The following KCTD8 variants were observed in gnomAD, a reference collection of about 807,000 sequenced individuals.
The protein encoded by KCTD8 is BTB/POZ domain-containing protein KCTD8.
In KCTD8, 27 loss-of-function variants were observed where a neutral mutation model predicts 31.5. The observed-to-expected ratio is 0.86, with a 90% confidence interval of 0.63 to 1.18. KCTD8 has a LOEUF of 1.18. Among genes scored for constraint, KCTD8 ranks in the 50% most tolerant of loss-of-function variants. KCTD8 has a pLI of 0.00. For missense variants in KCTD8, 658 were observed against 647.7 expected, an observed-to-expected ratio of 1.02 and a Z score of -0.17; for synonymous variants, 290 against 280.0, an observed-to-expected ratio of 1.04 and a Z score of -0.36.
At chr4:44,414,098 A>C (rs1375051928) in intron 1 of KCTD8, among the ~76,000 whole-genome samples, 2 of 152,178 alleles carry the variant, frequency 1.3e-5, no homozygotes, top group African/African-American at 2.4e-5. Context: ...GATCTCCAGG[A>C]CTATAGGAGA....
intron 1 of KCTD8, among the ~76,000 whole-genome samples, chr4:44,262,107 T>C (rs1250448099): frequency 1.6e-4 from 24 of 151,968 alleles, no homozygotes; most frequent in Admixed American, 1.6e-3. Context: ...GAAAAAGAAG[T>C]GAACAGTTCT....
chr4:44,425,048 T>C (rs1429392478), intron 1 of KCTD8, among the ~76,000 whole-genome samples: 3 of 151,982 alleles, frequency 2.0e-5, no homozygotes, highest in Non-Finnish European at 1.5e-5. Context: ...AGGAAAAACC[T>C]GAAGATGACC....
intron 1 of KCTD8, among the ~76,000 whole-genome samples, chr4:44,294,109 T>G (rs1271362802): frequency 6.6e-6 from 1 of 152,210 alleles, no homozygotes; most frequent in East Asian, 1.9e-4. Flanking sequence ...GATAATTTAT[T>G]ATGATGAATC....
At position 44,448,101 on chromosome 4, in the gene KCTD8, G is replaced by A. The variant is rs1721997967; in HGVS notation, c.423C>T (p.Asp141=). 3 of 1,612,700 alleles carry A rather than the reference G, an allele frequency of 1.9e-6. No individual in the cohort carries two copies. The highest frequency in any genetic ancestry group is 1.7e-5 in the Admixed American group (1 of 60,016). ...CCTTGGGCGACAGCAGCTTGACCAA[G>A]TCGGTGAGCTGGAAATACTCGGCCT... ...LREAEYFQLT[D]LVKLLSPKVT... The change falls in exon 1 of 2, where the codon GAC becomes GAT. Residue 141 remains aspartate, a synonymous_variant. Transcript: ENST00000360029. The surrounding 1 kb of genome is among the most constrained non-coding windows in gnomAD (Gnocchi z 4.1).
intron 1 of KCTD8, among the ~76,000 whole-genome samples, chr4:44,400,269 A>G (rs892508975): frequency 1.3e-5 from 2 of 152,162 alleles, no homozygotes; most frequent in Non-Finnish European, 2.9e-5. Flanking sequence ...CAGAGATAAG[A>G]TATTTAAAAA....
intron 1 of KCTD8, among the ~76,000 whole-genome samples, chr4:44,238,340 T>C (rs1226208620): frequency 6.6e-6 from 1 of 152,144 alleles, no homozygotes; most frequent in Non-Finnish European, 1.5e-5. Context: ...TGTCTCTCTC[T>C]CTATATAAAC....
intron 1 of KCTD8, among the ~76,000 whole-genome samples, chr4:44,403,832 A>T (rs1326819323): frequency 6.6e-6 from 1 of 151,960 alleles, no homozygotes; most frequent in Non-Finnish European, 1.5e-5. Context: ...CAAAAAATGT[A>T]ATGTAAAGGG....
At chr4:44,250,608 A>C (rs887355311) in intron 1 of KCTD8, among the ~76,000 whole-genome samples, 10 of 151,758 alleles carry the variant, frequency 6.6e-5, no homozygotes, top group Admixed American at 5.9e-4. Context: ...CATGAAACTT[A>C]CAATTCTCTC....
intron 1 of KCTD8, among the ~76,000 whole-genome samples, chr4:44,271,567 A>G (rs971030567): frequency 6.6e-6 from 1 of 152,110 alleles, no homozygotes; most frequent in Non-Finnish European, 1.5e-5. Context: ...GATGGCCATG[A>G]TGCCCACACT....
intron 1 of KCTD8, among the ~76,000 whole-genome samples, chr4:44,264,919 C>T (rs1457557350): frequency 1.3e-5 from 2 of 152,194 alleles, no homozygotes; most frequent in African/African-American, 4.8e-5. Context: ...CACCACAGCT[C>T]AAGGAGGCCT....
At chr4:44,235,227 A>G (rs1247710809) in intron 1 of KCTD8, among the ~76,000 whole-genome samples, 4 of 150,414 alleles carry the variant, frequency 2.7e-5, no homozygotes, top group African/African-American at 9.8e-5. Context: ...TAGCTCATCC[A>G]ACCCTCAAAA....
intron 1 of KCTD8, among the ~76,000 whole-genome samples, chr4:44,369,128 G>A (rs867997799): frequency 6.6e-6 from 1 of 152,180 alleles, no homozygotes; most frequent in Non-Finnish European, 1.5e-5. Context: ...GTACTTACTA[G>A]GATGAAAGAG....
intron 1 of KCTD8, among the ~76,000 whole-genome samples, chr4:44,280,077 T>C (rs1716862350): frequency 6.6e-6 from 1 of 152,072 alleles, no homozygotes; most frequent in Non-Finnish European, 1.5e-5. Flanking sequence ...GAGAAGACAC[T>C]ATGAAATTTA....
At chr4:44,397,424 G>A (rs1398945684) in intron 1 of KCTD8, among the ~76,000 whole-genome samples, 2 of 152,120 alleles carry the variant, frequency 1.3e-5, no homozygotes, top group Non-Finnish European at 2.9e-5. Context: ...AAGTGTTTGT[G>A]TATGTGTGCA....
At chr4:44,439,016 T>C (rs1226167390) in intron 1 of KCTD8, among the ~76,000 whole-genome samples, 2 of 152,220 alleles carry the variant, frequency 1.3e-5, no homozygotes, top group Non-Finnish European at 2.9e-5. Flanking sequence ...TTTCAAGGTA[T>C]CTGATTTAGA....
At chr4:44,347,796 T>A (rs111784237) in intron 1 of KCTD8, among the ~76,000 whole-genome samples, 4 of 152,210 alleles carry the variant, frequency 2.6e-5, no homozygotes, top group African/African-American at 9.6e-5. Context: ...AGCAGTATTA[T>A]ATGCATAAAA....
At chr4:44,324,895 A>G (rs1423711039) in intron 1 of KCTD8, among the ~76,000 whole-genome samples, 1 of 151,996 alleles carries the variant, frequency 6.6e-6, no homozygotes, top group Admixed American at 6.5e-5. Context: ...GACTGGCCTT[A>G]TGTTACTAAT....
chr4:44,351,632 G>T (rs904955858), intron 1 of KCTD8, among the ~76,000 whole-genome samples: 2 of 152,024 alleles, frequency 1.3e-5, no homozygotes, highest in African/African-American at 2.4e-5. Context: ...AGGGCTTAAG[G>T]TTCACATTCT....
rs181416882 is a variant in KCTD8, at chr4:44,262,270, G to A, written c.962-87020C>T. ...TTACAGTGGGTCCAAGAGTGAATGA[G>A]AGATGAGGAAATAGATATTTCAAAG... On this transcript the variant is annotated intron_variant, in intron 1 of 1. Transcript: ENST00000360029. Among the ~76,000 whole-genome samples, 4 of 152,068 alleles carry A rather than the reference G, an allele frequency of 2.6e-5. No homozygotes were observed. The East Asian group carries it at 5.8e-4, about 22-fold the overall frequency.
Sources: allele counts gnomAD v4.1 joint callset (sites outside exome capture counted in the v4.1 genomes callset), GRCh38; gene constraint gnomAD v4.1.1; non-coding constraint Gnocchi (gnomAD v3.1); transcripts MANE v1.5; gene names NCBI Gene and HGNC (gene_info 2026-07-23, HGNC 2026-07-21).